Variants in ELMO1 observed in about 807,000 individuals in gnomAD.
The protein encoded by ELMO1 is engulfment and cell motility protein 1.
A neutral mutation model predicts 98.9 loss-of-function variants in ELMO1; 26 were observed. The observed-to-expected ratio is 0.26, with a 90% CI of 0.19 to 0.36. The LOEUF (loss-of-function observed/expected upper bound fraction) is 0.36. Ranked by LOEUF, ELMO1 falls within the 10% of genes least tolerant of loss-of-function variation. ELMO1 has a pLI of 1.00. For missense variants in ELMO1, 627 were observed against 935.2 expected (o/e 0.67, Z 4.30); for synonymous variants, 346 against 346.0 (o/e 1.00, Z 0.00).
At chr7:37,049,419 C>A (rs76781271) in intron 15 of ELMO1, among the ~76,000 whole-genome samples, 2,721 of 152,256 alleles carry the variant, frequency 0.018, 88 homozygotes, top group African/African-American at 0.063. Flanking sequence ...GTGATGCGTC[C>A]AGCTCTCTTC....
At chr7:37,321,854 T>C (rs372221849) in intron 2 of ELMO1, among the ~76,000 whole-genome samples, 34 of 135,094 alleles carry the variant, frequency 2.5e-4, no homozygotes, top group Non-Finnish European at 3.9e-4. Context: ...AAAAAGTAAC[T>C]CCCTTTTTTT....
At chr7:37,422,264 A>G (rs911370099) in intron 1 of ELMO1, among the ~76,000 whole-genome samples, 3 of 152,250 alleles carry the variant, frequency 2.0e-5, no homozygotes, top group African/African-American at 7.2e-5. Context: ...AATAAATTCA[A>G]TGGGGAAATG....
chr7:37,128,274 T>A (rs1786667350), intron 14 of ELMO1, among the ~76,000 whole-genome samples: 1 of 152,168 alleles, frequency 6.6e-6, no homozygotes, highest in Non-Finnish European at 1.5e-5. Flanking sequence ...CTCTGTACCA[T>A]TATCTTGTCT....
chr7:37,444,804 G>A (rs1218265539), intron 1 of ELMO1, among the ~76,000 whole-genome samples: 1 of 152,180 alleles, frequency 6.6e-6, no homozygotes, highest in Non-Finnish European at 1.5e-5. Context: ...GTGAGCCACC[G>A]CGCCCGGCCA....
chr7:37,153,088 T>A (rs1204703475), intron 13 of ELMO1, among the ~76,000 whole-genome samples: 1 of 152,206 alleles, frequency 6.6e-6, no homozygotes, highest in African/African-American at 2.4e-5. Flanking sequence ...TATACTAACC[T>A]CAACCTCCTC....
intron 17 of ELMO1, among the ~76,000 whole-genome samples, chr7:36,892,454 G>T (rs1805640569): frequency 6.6e-6 from 1 of 152,108 alleles, no homozygotes; most frequent in African/African-American, 2.4e-5. Flanking sequence ...CCTAATCCTA[G>T]CCTGTGACAG....
intron 3 of ELMO1, 114 bp downstream of exon 3, chr7:37,315,806 G>T: frequency 1.1e-6 from 1 of 926,074 alleles, no homozygotes; most frequent in Non-Finnish European, 1.7e-6. Context: ...TATTGACTTT[G>T]AGCAAGTCAG....
chr7:37,270,621 A>G (rs1584899092), intron 5 of ELMO1: 1 of 152,206 alleles, frequency 6.6e-6, no homozygotes, highest in East Asian at 1.9e-4. Flanking sequence ...CTGTAAAATA[A>G]TATAGTTAAA....
chr7:36,997,891 A>T (rs1336411003), intron 16 of ELMO1: 1 of 152,382 alleles, frequency 6.6e-6, no homozygotes, highest in Non-Finnish European at 1.5e-5. Context: ...GAACAAGAAC[A>T]ATCAGAAGAT....
At chr7:37,012,651 C>T (rs1167750840) in intron 16 of ELMO1, among the ~76,000 whole-genome samples, 1 of 152,212 alleles carries the variant, frequency 6.6e-6, no homozygotes. Context: ...GTTATTCACA[C>T]ACAAATGGAA....
At chr7:37,004,661 T>C (rs1268371214) in intron 16 of ELMO1, among the ~76,000 whole-genome samples, 1 of 152,214 alleles carries the variant, frequency 6.6e-6, no homozygotes. Flanking sequence ...CTGTCAGGCT[T>C]ATTCAAAATG....
At chr7:36,945,146 T>C (rs1787368264) in intron 16 of ELMO1, among the ~76,000 whole-genome samples, 3 of 152,210 alleles carry the variant, frequency 2.0e-5, no homozygotes, top group Admixed American at 2.0e-4. Context: ...TCAACATTGT[T>C]TTCTTCCTAA....
intron 14 of ELMO1, among the ~76,000 whole-genome samples, chr7:37,108,997 A>C (rs1344988958): frequency 2.0e-5 from 3 of 152,204 alleles, no homozygotes; most frequent in Non-Finnish European, 2.9e-5. Flanking sequence ...TTGTGGATTT[A>C]ATCAGAAGCA....
intron 13 of ELMO1, among the ~76,000 whole-genome samples, chr7:37,197,574 G>C (rs1450421127): frequency 9.9e-5 from 15 of 152,240 alleles, no homozygotes; most frequent in Non-Finnish European, 4.4e-5. Flanking sequence ...ACAGCACACT[G>C]TCTCAGGAGA....
At chr7:36,936,969 G>A (rs1237140171) in intron 16 of ELMO1, among the ~76,000 whole-genome samples, 1 of 152,172 alleles carries the variant, frequency 6.6e-6, no homozygotes, top group African/African-American at 2.4e-5. Context: ...TCAATTAGGG[G>A]GTTCTCCCAG....
At chr7:37,341,824 T>C (rs923415495) in intron 2 of ELMO1, among the ~76,000 whole-genome samples, 2 of 152,206 alleles carry the variant, frequency 1.3e-5, no homozygotes, top group African/African-American at 2.4e-5. Flanking sequence ...ACTATATACA[T>C]TATGAAACCT....
chr7:37,369,807 T>C (rs1407208030), intron 1 of ELMO1, among the ~76,000 whole-genome samples: 3 of 151,968 alleles, frequency 2.0e-5, no homozygotes, highest in Non-Finnish European at 4.4e-5. Flanking sequence ...TGAGAGAAGA[T>C]ATCTTCAATG....
At chr7:36,904,375 G>T (rs1267207124) in intron 16 of ELMO1, among the ~76,000 whole-genome samples, 1 of 152,228 alleles carries the variant, frequency 6.6e-6, no homozygotes, top group Non-Finnish European at 1.5e-5. Context: ...AATGAAACAG[G>T]AATGGATGGC....
At position 36,855,514 on chromosome 7, in the gene ELMO1, T is replaced by C; in HGVS notation, c.*37A>G. On this transcript the variant is annotated 3_prime_UTR_variant, in exon 22 of 22. Coordinates refer to ENST00000310758, the MANE Select transcript of ELMO1 (RefSeq NM_014800.11). This position sits in a 1 kb window ranked among gnomAD's most constrained non-coding sequence, Gnocchi z 4.2. ...TTCCTCTCTCCTGTTAGCTAGGTGT[T>C]CCAGTTTTGGAAGGGGCATGTCTGG... The C allele has an allele frequency of 6.2e-7, 1 of 1,612,244 alleles. No individual in the cohort carries two copies. The highest frequency in any genetic ancestry group is 1.1e-5 in the South Asian group (1 of 91,022).
Sources: gnomAD v4.1 joint callset for allele counts (sites outside exome capture counted in the v4.1 genomes callset) on GRCh38, gnomAD v4.1.1 for gene constraint, Gnocchi (gnomAD v3.1) non-coding constraint, MANE v1.5 for transcripts, NCBI Gene and HGNC (gene_info 2026-07-23, HGNC 2026-07-21) for gene names.